The following DOCK8 variants were observed in gnomAD, a reference collection of about 807,000 sequenced individuals.
DOCK8 encodes dedicator of cytokinesis protein 8.
In DOCK8, 141 loss-of-function variants were observed where a neutral mutation model predicts 245.6. That is an observed-to-expected ratio of 0.57 (90% CI 0.50 to 0.66). The LOEUF (loss-of-function observed/expected upper bound fraction) is 0.66. Among genes scored for constraint, DOCK8 ranks in the 30% least tolerant of loss-of-function variants. The probability of loss-of-function intolerance (pLI) is 0.00; values close to 1 mark genes in which losing one functional copy is unlikely to be tolerated. For missense variants in DOCK8, 2,965 were observed against 2,603.4 expected (o/e 1.14, Z -3.02); for synonymous variants, 1,168 against 970.2 (o/e 1.20, Z -3.79).
Position 355,192 on chromosome 9 carries a change from CTTTTTTTTT to C in DOCK8, c.1680-12804_1680-12796del, listed in dbSNP as rs749045514. 5.0e-5 allele frequency among the ~76,000 whole-genome samples: 6 copies of C among 121,086 alleles called. 1 individual carries two copies. The highest frequency in any genetic ancestry group is 3.3e-5 in the African/African-American group (1 of 30,438). The allele number at this position is 121,086 out of a possible 152,430, so 79.4% of individuals were successfully genotyped here. A position where few individuals can be genotyped will look rare whatever the true frequency, so the allele number is the denominator to read the frequency against. On this transcript the variant is annotated intron_variant, in intron 14 of 47. Coordinates refer to ENST00000432829, the MANE Select transcript of DOCK8 (RefSeq NM_203447.4). ...AGACTGGTGTATTTCTGTTTCTTTT[CTTTTTTTTT>C]TTTTTTTTTTTTTTTTTTTTTGAGA...
intron 6 of DOCK8, 80 bp downstream of exon 6, chr9:312,246 A>G (rs753220265): frequency 2.5e-5 from 37 of 1,500,074 alleles, no homozygotes; most frequent in Non-Finnish European, 3.1e-5. Context: ...GTTCATTATT[A>G]CTATATAGCA....
chr9:311,188 C>T (rs1030419703), intron 5 of DOCK8, among the ~76,000 whole-genome samples: 61 of 151,430 alleles, frequency 4.0e-4, no homozygotes, highest in African/African-American at 1.1e-3. Context: ...GGGAGGCCGA[C>T]GCAGGAGAAT....
chr9:315,544 A>G (rs2050306403), intron 6 of DOCK8, among the ~76,000 whole-genome samples: 1 of 152,236 alleles, frequency 6.6e-6, no homozygotes, highest in African/African-American at 2.4e-5. Flanking sequence ...TTTTAGGCAT[A>G]ATGGTATTGC....
intron 26 of DOCK8, among the ~76,000 whole-genome samples, chr9:402,110 A>G (rs544322691): frequency 6.6e-6 from 1 of 152,328 alleles, no homozygotes; most frequent in African/African-American, 2.4e-5. Context: ...TTAGCTACTC[A>G]CATGCAGGCT....
intron 5 of DOCK8, among the ~76,000 whole-genome samples, chr9:307,601 A>C (rs2049906567): frequency 6.6e-6 from 1 of 151,732 alleles, no homozygotes; most frequent in Non-Finnish European, 1.5e-5. Context: ...CAGGTGATCC[A>C]CCCACCTTGG....
intron 34 of DOCK8, among the ~76,000 whole-genome samples, chr9:427,470 T>G (rs2056544049): frequency 6.6e-6 from 1 of 152,232 alleles, no homozygotes; most frequent in Non-Finnish European, 1.5e-5. Flanking sequence ...ATTTGTACCA[T>G]GAATTTGCCA....
At chr9:317,154 C>G in intron 7 of DOCK8, 26 bp downstream of exon 7, 3 of 1,523,584 alleles carry the variant, frequency 2.0e-6, no homozygotes, top group Non-Finnish European at 1.8e-6. Flanking sequence ...CACACTGCCA[C>G]CGCTTTGAGA....
chr9:230,264 C>T (rs369971549), intron 1 of DOCK8, among the ~76,000 whole-genome samples: 27 of 151,338 alleles, frequency 1.8e-4, no homozygotes, highest in African/African-American at 4.9e-4. Flanking sequence ...TAGTATTCCA[C>T]GGTGTATATG....
chr9:258,405 C>T (rs947803638), intron 1 of DOCK8, among the ~76,000 whole-genome samples: 1 of 152,112 alleles, frequency 6.6e-6, no homozygotes, highest in Admixed American at 6.6e-5. Flanking sequence ...AGATAAATCA[C>T]AAATCAGAGT....
chr9:412,089 A>G (rs1586954369), intron 28 of DOCK8, among the ~76,000 whole-genome samples: 1 of 152,126 alleles, frequency 6.6e-6, no homozygotes, highest in Non-Finnish European at 1.5e-5. Flanking sequence ...ATCTAGGGCA[A>G]TTAGGCAAAA....
rs1037700201 is a variant in DOCK8, at chr9:329,248, G to A, written c.1044+1077G>A. Among the ~76,000 whole-genome samples, 8 of 151,978 alleles carry A rather than the reference G, an allele frequency of 5.3e-5. No homozygotes were observed. In the South Asian group the frequency reaches 8.3e-4, roughly 16 times the overall value. ...ATTACAGGCGTGAGCCACTGTGCCC[G>A]GCCGTAAAATCATTGTAAAAACAAA... On this transcript the variant is annotated intron_variant, in intron 9 of 47. Transcript: ENST00000432829.
chr9:282,677 C>T (rs1309583456), intron 2 of DOCK8, among the ~76,000 whole-genome samples: 3 of 152,094 alleles, frequency 2.0e-5, no homozygotes, highest in Non-Finnish European at 4.4e-5. Context: ...CCTGCGTTGG[C>T]CTCCCGAAGT....
Position 332,378 on chromosome 9 carries a change from A to C in DOCK8, c.1045-20A>C. On this transcript the variant is annotated intron_variant, in intron 9 of 47. Coordinates refer to ENST00000432829, the MANE Select transcript of DOCK8 (RefSeq NM_203447.4). ...GGATGTAATTTATGTGCCTTATTTT[A>C]ATATTCTTTTTATTGGTAGATTGAA... 6.4e-7 allele frequency: 1 copy of C among 1,557,838 alleles called. No homozygotes were observed. Among genetic ancestry groups the C allele is most frequent in the Non-Finnish European group, 8.9e-7 (1 of 1,129,228 alleles).
chr9:403,914 A>G (rs1411371431), intron 26 of DOCK8, among the ~76,000 whole-genome samples: 2 of 82,868 alleles, frequency 2.4e-5, no homozygotes, highest in African/African-American at 1.5e-4. Flanking sequence ...ATATATATAT[A>G]TACATATATA....
chr9:430,544 G>C lies in DOCK8; in HGVS notation c.4626+690G>C, dbSNP rs190047847. The stretch of plus-strand genomic sequence containing the variant: ...CAATACAAAAAATTAGCCGGGTGTG[G>C]TGGCACACACGCCCGTAATCTTAGC... On this transcript the variant is annotated intron_variant, in intron 36 of 47. Transcript: ENST00000432829. Among the ~76,000 whole-genome samples the C allele has an allele frequency of 2.6e-3, 391 of 151,684 alleles. 3 individuals are homozygous for C. The highest frequency in any genetic ancestry group is 4.6e-3 in the Non-Finnish European group (309 of 67,906).
Position 443,430 on chromosome 9 carries a change from T to A in DOCK8, c.5494T>A (p.Phe1832Ile), listed in dbSNP as rs925742492. The A allele has an allele frequency of 6.2e-7, 1 of 1,614,040 alleles. No homozygotes were observed. The highest frequency in any genetic ancestry group is 8.5e-7 in the Non-Finnish European group (1 of 1,179,928). Residue 1832 changes from phenylalanine (F) to isoleucine (I), a missense_variant, in exon 43 of 48, where the codon TTT becomes ATT. By Grantham distance (21) the Phe-to-Ile change is conservative (BLOSUM62 0). This residue lies in a region of DOCK8 where 2,825 missense variants were observed against 2,453.5 expected (regional missense o/e 1.15). Coordinates refer to ENST00000432829, the MANE Select transcript of DOCK8 (RefSeq NM_203447.4). ...ACTGTTGGTTCTTCTTACCTAGGCATTTTATGGTCAATGTTTTGGTGCAGA... is the reference window on the plus strand; with the variant it reads ...ACTGTTGGTTCTTCTTACCTAGGCAATTTATGGTCAATGTTTTGGTGCAGA... ...LPEISHRLEA[F>I]YGQCFGAEFV...
rs137995341 is a variant in DOCK8 at position 246,022 on chromosome 9, C to A, written c.54-25605C>A. Among the ~76,000 whole-genome samples the A allele has an allele frequency of 2.9e-3, 445 of 152,210 alleles. 5 individuals are homozygous for A. Among genetic ancestry groups the A allele is most frequent in the African/African-American group, 0.01 (425 of 41,528 alleles). On this transcript the variant is annotated intron_variant, in intron 1 of 47. Coordinates refer to ENST00000432829, the MANE Select transcript of DOCK8 (RefSeq NM_203447.4). ...ATTGCCTGAGCTCAGGAGTTCTAGA[C>A]CAACCTGGGCAACATGGTGAAACCT...
chr9:279,324 C>G (rs1376436155), intron 2 of DOCK8, among the ~76,000 whole-genome samples: 3 of 152,106 alleles, frequency 2.0e-5, no homozygotes, highest in Admixed American at 6.5e-5. Context: ...AAAAGTCAAC[C>G]TGGAATTTAT....
intron 22 of DOCK8, among the ~76,000 whole-genome samples, chr9:382,960 T>G (rs1414817835): frequency 1.3e-5 from 2 of 152,164 alleles, no homozygotes; most frequent in Non-Finnish European, 2.9e-5. Context: ...TGGAGTCATG[T>G]GGCTAAACCA....
Sources: allele counts gnomAD v4.1 joint callset (sites outside exome capture counted in the v4.1 genomes callset), GRCh38; gene constraint gnomAD v4.1.1; regional missense constraint gnomAD v4.1.1; transcripts MANE v1.5; gene names NCBI Gene and HGNC (gene_info 2026-07-23, HGNC 2026-07-21).